SDK1: variants seen among roughly 807,000 people sequenced by gnomAD.
The protein encoded by SDK1 is protein sidekick-1.
Under a neutral mutation model 245.5 loss-of-function variants are expected in SDK1, and 157 were observed. The observed-to-expected ratio is 0.64, with a 90% CI of 0.56 to 0.73. SDK1 has a LOEUF of 0.73. Among genes scored for constraint, SDK1 ranks in the 30% least tolerant of loss-of-function variants. The pLI, the probability that SDK1 is intolerant of heterozygous loss-of-function variation, is 0.00. For synonymous variants in SDK1, 1,647 were observed against 1,278.5 expected, an observed-to-expected ratio of 1.29 and a Z score of -6.15; for missense variants, 3,583 against 3,002.3, an observed-to-expected ratio of 1.19 and a Z score of -4.52.
intron 44 of SDK1, among the ~76,000 whole-genome samples, chr7:4,255,195 A>G (rs921831308): frequency 4.6e-5 from 7 of 152,200 alleles, no homozygotes; most frequent in African/African-American, 7.2e-5. Context: ...TGTTGCTGAC[A>G]TGGAACTACC....
At chr7:3,738,957 TTTTG>T (rs1779398331) in intron 4 of SDK1, among the ~76,000 whole-genome samples, 1 of 147,342 alleles carries the variant, frequency 6.8e-6, no homozygotes, top group South Asian at 2.1e-4. Context: ...GATCAATTAT[TTTTG>T]TTTTTTTGTT....
chr7:3,321,843 C>CCTTT (rs1562412898), intron 1 of SDK1, among the ~76,000 whole-genome samples: 5 of 130,956 alleles, frequency 3.8e-5, no homozygotes, highest in African/African-American at 1.6e-4. Flanking sequence ...TTTTCTCTCT[C>CCTTT]TCTCTCTCTC....
Position 4,017,170 on chromosome 7 carries a change from G to A in SDK1, c.2421-1G>A. On this transcript the variant is annotated splice_acceptor_variant, in intron 16 of 44. Transcript: ENST00000404826. LOFTEE classifies it high-confidence loss of function. ...CGTGATGGGCTTCCTTCGTGGCGCA[G>A]GTACCGCCTGGCTGGCCTTCCCGGA... The A allele has an allele frequency of 6.2e-7, 1 of 1,607,444 alleles. No individual in the cohort carries two copies. Among genetic ancestry groups the A allele is most frequent in the Non-Finnish European group, 8.5e-7 (1 of 1,176,646 alleles).
At chr7:4,079,048 G>A (rs529388974) in intron 21 of SDK1, among the ~76,000 whole-genome samples, 1 of 152,330 alleles carries the variant, frequency 6.6e-6, no homozygotes, top group African/African-American at 2.4e-5. Context: ...ATCCCTCCGA[G>A]GCCGCGGTAA....
At chr7:3,687,732 G>C (rs1373839748) in intron 4 of SDK1, among the ~76,000 whole-genome samples, 2 of 152,164 alleles carry the variant, frequency 1.3e-5, no homozygotes, top group Non-Finnish European at 2.9e-5. Flanking sequence ...GCGGAGAGAG[G>C]ATAGAGCTGG....
At chr7:3,348,142 A>G (rs1780558028) in intron 1 of SDK1, among the ~76,000 whole-genome samples, 1 of 152,158 alleles carries the variant, frequency 6.6e-6, no homozygotes, top group South Asian at 2.1e-4. Flanking sequence ...ACAGACAGCA[A>G]AGCTCAATGA....
At chr7:3,828,970 A>G (rs1172854019) in intron 5 of SDK1, among the ~76,000 whole-genome samples, 1 of 152,148 alleles carries the variant, frequency 6.6e-6, no homozygotes, top group East Asian at 1.9e-4. Context: ...ATTGAAGTTT[A>G]TACGCATAGT....
chr7:4,260,279 G>A (rs113260978), intron 44 of SDK1, among the ~76,000 whole-genome samples: 3 of 124,872 alleles, frequency 2.4e-5, no homozygotes, highest in Non-Finnish European at 3.3e-5. Flanking sequence ...CCAGGGCCTC[G>A]GTGTGTGTGG....
In SDK1 at chr7:4,262,018, C is replaced by CTTTTTTTTTTTTTTT. The variant is rs34610558; in HGVS notation, c.6382-3091_6382-3077dup. Among the ~76,000 whole-genome samples, 5 of 59,254 alleles carry CTTTTTTTTTTTTTTT rather than the reference C, an allele frequency of 8.4e-5. 2 individuals are homozygous for CTTTTTTTTTTTTTTT. The highest frequency in any genetic ancestry group is 9.5e-5 in the African/African-American group (1 of 10,540). 38.9% of individuals were successfully genotyped at this position (59,254 alleles called of 152,430 possible). A position where few individuals can be genotyped will look rare whatever the true frequency, so the allele number is the denominator to read the frequency against. On this transcript the variant is annotated intron_variant, in intron 44 of 44. Transcript: ENST00000404826. ...AATCAATTTCACCCTCTGCTTTCTC[C>CTTTTTTTTTTTTTTT]TTTTTTTTTTTTTTTTTTTTTTTTT...
At chr7:3,738,693 T>C (rs1336397498) in intron 4 of SDK1, among the ~76,000 whole-genome samples, 1 of 152,202 alleles carries the variant, frequency 6.6e-6, no homozygotes, top group African/African-American at 2.4e-5. Flanking sequence ...TTGTGTCTTC[T>C]TTTATTTCTT....
At chr7:3,393,643 A>G (rs1394996663) in intron 1 of SDK1, among the ~76,000 whole-genome samples, 1 of 152,204 alleles carries the variant, frequency 6.6e-6, no homozygotes, top group Admixed American at 6.5e-5. Flanking sequence ...ATTCTGTTGC[A>G]TTCTTCAGTA....
chr7:3,586,968 T>C (rs1780711224), intron 1 of SDK1, among the ~76,000 whole-genome samples: 2 of 152,010 alleles, frequency 1.3e-5, no homozygotes, highest in African/African-American at 2.4e-5. Context: ...TGAGCAGGCA[T>C]TGTGGTGAAG....
At chr7:3,999,245 G>C (rs1213533955) in intron 14 of SDK1, among the ~76,000 whole-genome samples, 2 of 151,992 alleles carry the variant, frequency 1.3e-5, no homozygotes, top group Non-Finnish European at 2.9e-5. Context: ...CCATTCCCTT[G>C]GGTACAGAGC....
chr7:3,899,538 G>A (rs950488875), intron 5 of SDK1, among the ~76,000 whole-genome samples: 1 of 152,236 alleles, frequency 6.6e-6, no homozygotes, highest in African/African-American at 2.4e-5. Context: ...GGCTCAGAAA[G>A]TCCTCAGCTG....
At chr7:4,248,416 C>G (rs1562479353) in intron 44 of SDK1, among the ~76,000 whole-genome samples, 1 of 151,882 alleles carries the variant, frequency 6.6e-6, no homozygotes, top group African/African-American at 2.4e-5. Flanking sequence ...CACATACACA[C>G]ATGCACACAC....
intron 19 of SDK1, among the ~76,000 whole-genome samples, chr7:4,052,852 G>T (rs1357911012): frequency 4.6e-5 from 7 of 152,114 alleles, no homozygotes; most frequent in Non-Finnish European, 1.0e-4. Context: ...ACTTTGGGAG[G>T]CTGAGGCAGT....
chr7:3,547,727 T>C (rs898335909), intron 1 of SDK1, among the ~76,000 whole-genome samples: 2 of 152,208 alleles, frequency 1.3e-5, no homozygotes, highest in Non-Finnish European at 2.9e-5. Context: ...TTTGGATAGA[T>C]ACCTTTTCTA....
intron 5 of SDK1, among the ~76,000 whole-genome samples, chr7:3,896,741 G>C: frequency 6.6e-6 from 1 of 152,174 alleles, no homozygotes. Context: ...AGCTGTTTAA[G>C]GTGGGGGAAT....
At position 3,990,667 on chromosome 7, in the gene SDK1, C is replaced by A. The variant is rs895689467; in HGVS notation, c.2131+3345C>A. Among the ~76,000 whole-genome samples the A allele has an allele frequency of 1.3e-5, 2 of 152,308 alleles. 1 individual carries two copies. On this transcript the variant is annotated intron_variant, in intron 14 of 44. Transcript: ENST00000404826. ...CGCCTCGGGCTTCAGGACTGTGTCT[C>A]CTTTGTCTTCGTGCTCCTCATTCCC...
Sources: gnomAD v4.1 joint callset for allele counts (sites outside exome capture counted in the v4.1 genomes callset) on GRCh38, gnomAD v4.1.1 for gene constraint, MANE v1.5 for transcripts, NCBI Gene and HGNC (gene_info 2026-07-23, HGNC 2026-07-21) for gene names.